Variants in HCN1 observed in about 807,000 individuals in gnomAD.
The protein encoded by HCN1 is hyperpolarization activated cyclic nucleotide gated potassium channel 1.
A neutral mutation model predicts 78.9 loss-of-function variants in HCN1; 13 were observed. That is an observed-to-expected ratio of 0.16 (90% CI 0.11 to 0.26). HCN1 has a LOEUF of 0.26. HCN1 is among the 10% of genes least tolerant of loss of function. HCN1 has a pLI of 1.00. For missense variants in HCN1, 810 were observed against 1,154.3 expected, an observed-to-expected ratio of 0.70 and a Z score of 4.32; for synonymous variants, 552 against 455.5, an observed-to-expected ratio of 1.21 and a Z score of -2.70.
At chr5:45,423,445 A>AG (rs1740268720) in intron 3 of HCN1, among the ~76,000 whole-genome samples, 1 of 152,106 alleles carries the variant, frequency 6.6e-6, no homozygotes, top group Admixed American at 6.6e-5. Context: ...CAAAGCCTCC[A>AG]CTGTAGTCAA....
At chr5:45,672,948 CA>C (rs571339659) in intron 1 of HCN1, among the ~76,000 whole-genome samples, 283 of 151,378 alleles carry the variant, frequency 1.9e-3, no homozygotes, top group Middle Eastern at 3.4e-3. Flanking sequence ...AATGTTTATA[CA>C]TTATTATTAA....
intron 2 of HCN1, among the ~76,000 whole-genome samples, chr5:45,609,683 C>G (rs557987781): frequency 1.3e-5 from 2 of 152,058 alleles, no homozygotes; most frequent in Non-Finnish European, 2.9e-5. Context: ...TATATATTCA[C>G]GCCAAGAAAT....
intron 5 of HCN1, among the ~76,000 whole-genome samples, chr5:45,323,235 T>TA (rs1006101261): frequency 6.6e-6 from 1 of 151,854 alleles, no homozygotes; most frequent in African/African-American, 2.4e-5. Context: ...GAAGACTTGA[T>TA]AAAAAAATGA....
At chr5:45,351,096 G>A (rs1464525291) in intron 5 of HCN1, among the ~76,000 whole-genome samples, 1 of 152,066 alleles carries the variant, frequency 6.6e-6, no homozygotes, top group Non-Finnish European at 1.5e-5. Flanking sequence ...GAACAAAGCT[G>A]GAGGCATCAC....
At chr5:45,501,829 G>A (rs751106908) in intron 2 of HCN1, among the ~76,000 whole-genome samples, 1 of 151,980 alleles carries the variant, frequency 6.6e-6, no homozygotes, top group Non-Finnish European at 1.5e-5. Flanking sequence ...ATTTCCTAAC[G>A]ATTTCATTAT....
At position 45,567,733 on chromosome 5, in the gene HCN1, T is replaced by A. The variant is rs567354463; in HGVS notation, c.849+77452A>T. ...TCTAACACAGTGCTTGCCAACTAAA[T>A]GAGGGTAAAATTAAGTTCTAACTCT... On this transcript the variant is annotated intron_variant, in intron 2 of 7. Coordinates refer to ENST00000303230, the MANE Select transcript of HCN1 (RefSeq NM_021072.4). Among the ~76,000 whole-genome samples, 4 of 152,170 alleles carry A rather than the reference T, an allele frequency of 2.6e-5. No individual in the cohort carries two copies. The East Asian group carries it at 7.7e-4, about 29-fold the overall frequency.
chr5:45,321,671 A>G (rs1205955440), intron 5 of HCN1, among the ~76,000 whole-genome samples: 2 of 150,814 alleles, frequency 1.3e-5, no homozygotes, highest in Non-Finnish European at 2.9e-5. Context: ...TACATTTTAA[A>G]CCAGCTTGAA....
intron 4 of HCN1, among the ~76,000 whole-genome samples, chr5:45,371,396 G>C (rs902636415): frequency 6.6e-6 from 1 of 151,688 alleles, no homozygotes; most frequent in African/African-American, 2.4e-5. Context: ...GACTAATAAA[G>C]AAATAAAGAG....
intron 3 of HCN1, among the ~76,000 whole-genome samples, chr5:45,436,607 GTATA>G (rs1740564340): frequency 6.6e-6 from 1 of 152,138 alleles, no homozygotes; most frequent in South Asian, 2.1e-4. Context: ...ATGGCAAGTA[GTATA>G]TATATTTTAT....
At chr5:45,458,120 T>C (rs1015029759) in intron 3 of HCN1, among the ~76,000 whole-genome samples, 2 of 152,090 alleles carry the variant, frequency 1.3e-5, no homozygotes, top group African/African-American at 4.8e-5. Flanking sequence ...AATAGATATA[T>C]TAAACAAATT....
chr5:45,265,303 G>A (rs1744835077), intron 7 of HCN1, among the ~76,000 whole-genome samples: 2 of 152,136 alleles, frequency 1.3e-5, no homozygotes, highest in Admixed American at 6.5e-5. Context: ...AGGATGTCTA[G>A]CTGGTTTAGG....
At chr5:45,363,132 T>TTATATATATATACATATATATATATA (rs1349826392) in intron 4 of HCN1, among the ~76,000 whole-genome samples, 1 of 116,064 alleles carries the variant, frequency 8.6e-6, no homozygotes, top group Admixed American at 9.5e-5. Flanking sequence ...ATATAACATA[T>TTATATATATATACATATATATATATA]TATATATATA....
At chr5:45,326,906 G>C (rs1041846692) in intron 5 of HCN1, among the ~76,000 whole-genome samples, 1 of 151,536 alleles carries the variant, frequency 6.6e-6, no homozygotes. Context: ...AAGGTACCAT[G>C]CAGAATGACA....
At chr5:45,642,169 A>G (rs913568726) in intron 2 of HCN1, 9 of 152,170 alleles carry the variant, frequency 5.9e-5, no homozygotes, top group African/African-American at 2.2e-4. Flanking sequence ...ATATATATAA[A>G]GTTTCAGTGT....
chr5:45,406,635 A>G (rs1047153242), intron 3 of HCN1, among the ~76,000 whole-genome samples: 1 of 152,202 alleles, frequency 6.6e-6, no homozygotes, highest in Non-Finnish European at 1.5e-5. Context: ...AGTAAAATTC[A>G]TGATAATTAT....
chr5:45,340,904 A>G (rs994466252), intron 5 of HCN1, among the ~76,000 whole-genome samples: 1 of 152,274 alleles, frequency 6.6e-6, no homozygotes, highest in East Asian at 1.9e-4. Flanking sequence ...TGAAGCTTGG[A>G]TGGAAGAATG....
At chr5:45,437,982 T>C (rs911258203) in intron 3 of HCN1, among the ~76,000 whole-genome samples, 2 of 152,092 alleles carry the variant, frequency 1.3e-5, no homozygotes, top group African/African-American at 4.8e-5. Flanking sequence ...GGGCAGCTCA[T>C]ACATAACAGC....
chr5:45,293,816 A>G (rs1163757674), intron 6 of HCN1, among the ~76,000 whole-genome samples: 1 of 152,012 alleles, frequency 6.6e-6, no homozygotes, highest in Non-Finnish European at 1.5e-5. Flanking sequence ...GCAAAGCTTC[A>G]GCTTGTGATT....
chr5:45,400,058 A>G (rs1448149812), intron 3 of HCN1, among the ~76,000 whole-genome samples: 1 of 152,174 alleles, frequency 6.6e-6, no homozygotes, highest in East Asian at 1.9e-4. Flanking sequence ...GTATATTTAC[A>G]TTTACTAAAA....
Sources: allele counts gnomAD v4.1 joint callset (sites outside exome capture counted in the v4.1 genomes callset), GRCh38; gene constraint gnomAD v4.1.1; transcripts MANE v1.5; gene names NCBI Gene and HGNC (gene_info 2026-07-23, HGNC 2026-07-21).